The following IL1RAPL1 variants were observed in gnomAD, a reference collection of about 807,000 sequenced individuals.
IL1RAPL1 encodes interleukin-1 receptor accessory protein-like 1.
IL1RAPL1 carries 3 observed loss-of-function variants against 48.4 expected under a neutral mutation model. The ratio of observed to expected loss-of-function variants is 0.06; its 90% CI spans 0.03 to 0.16. The LOEUF (loss-of-function observed/expected upper bound fraction) is 0.16, where lower values mean the gene tolerates loss of function less well. Ranked by LOEUF, IL1RAPL1 falls within the 10% of genes least tolerant of loss-of-function variation. The pLI is 1.00. For synonymous variants in IL1RAPL1, 185 were observed against 187.7 expected (o/e 0.99, Z 0.12); for missense variants, 349 against 530.6 (o/e 0.66, Z 3.36).
intron 6 of IL1RAPL1, 100 bp downstream of exon 6, chrX:29,668,604 C>T (rs1926062932): frequency 1.6e-6 from 1 of 607,988 alleles, no homozygotes; most frequent in Non-Finnish European, 2.7e-6. Context: ...CAGCTAAATC[C>T]ATTTGTATTC....
chrX:29,237,211 A>G (rs182745980), intron 2 of IL1RAPL1, among the ~76,000 whole-genome samples: 1 of 112,256 alleles, frequency 8.9e-6, no homozygotes, highest in Admixed American at 9.4e-5. Context: ...ATTGCTGCTT[A>G]TTTAATAAGC....
intron 6 of IL1RAPL1, among the ~76,000 whole-genome samples, chrX:29,862,228 G>A (rs1931603417): frequency 9.1e-6 from 1 of 110,230 alleles, no homozygotes; most frequent in Non-Finnish European, 1.9e-5. Context: ...TCAGGTGTGA[G>A]GTCAGCATGT....
In IL1RAPL1 at chrX:29,630,367, A is replaced by G. The variant is rs138748524; in HGVS notation, c.704-38063A>G. On this transcript the variant is annotated intron_variant, in intron 5 of 10. Transcript: ENST00000378993. Reference sequence around the variant, plus strand: ...AGCAATGACTATATAGTAAAATTCTATTAATTCAGGTTTATTGGGAGAAAG... The same window carrying G: ...AGCAATGACTATATAGTAAAATTCTGTTAATTCAGGTTTATTGGGAGAAAG... Among the ~76,000 whole-genome samples, 747 of 111,726 alleles carry G rather than the reference A, an allele frequency of 6.7e-3. 5 individuals carry two copies. Among genetic ancestry groups the G allele is most frequent in the African/African-American group, 0.024 (722 of 30,717 alleles).
chrX:29,541,052 A>G (rs1412940118), intron 5 of IL1RAPL1, among the ~76,000 whole-genome samples: 2 of 112,437 alleles, frequency 1.8e-5, no homozygotes, highest in Non-Finnish European at 3.8e-5. Context: ...TCTAATATTT[A>G]GAATCCATAA....
At chrX:29,217,680 C>T (rs767920734) in intron 2 of IL1RAPL1, among the ~76,000 whole-genome samples, 10 of 109,426 alleles carry the variant, frequency 9.1e-5, no homozygotes, top group Non-Finnish European at 1.7e-4. Flanking sequence ...TAAGAAACTG[C>T]ATGAAAATTG....
chrX:28,620,793 G>C (rs1331643751), intron 1 of IL1RAPL1, among the ~76,000 whole-genome samples: 1 of 111,914 alleles, frequency 8.9e-6, no homozygotes, highest in Non-Finnish European at 1.9e-5. Flanking sequence ...AAAATATTTA[G>C]ACCATGATAT....
chrX:29,733,549 C>T (rs1927972929), intron 6 of IL1RAPL1, among the ~76,000 whole-genome samples: 1 of 112,049 alleles, frequency 8.9e-6, no homozygotes, highest in South Asian at 3.7e-4. Context: ...TTGTACATGT[C>T]TCCAACTGAC....
chrX:29,916,161 TG>T (rs1932799420), intron 6 of IL1RAPL1, among the ~76,000 whole-genome samples: 1 of 100,283 alleles, frequency 1.0e-5, no homozygotes, highest in Non-Finnish European at 2.0e-5. Flanking sequence ...GTTGGACATT[TG>T]GGTTGGTTCC....
chrX:29,770,924 AG>A (rs1176220386), intron 6 of IL1RAPL1, among the ~76,000 whole-genome samples: 1 of 112,276 alleles, frequency 8.9e-6, no homozygotes, highest in Non-Finnish European at 1.9e-5. Context: ...GAATTTCCAC[AG>A]GGTGGAATCA....
intron 2 of IL1RAPL1, among the ~76,000 whole-genome samples, chrX:29,254,612 A>G (rs1931722939): frequency 9.0e-6 from 1 of 111,646 alleles, no homozygotes; most frequent in Non-Finnish European, 1.9e-5. Flanking sequence ...TATACAGTGG[A>G]CTACTAGTAT....
intron 3 of IL1RAPL1, among the ~76,000 whole-genome samples, chrX:29,391,044 T>C (rs962472643): frequency 5.4e-5 from 6 of 110,401 alleles, no homozygotes; most frequent in African/African-American, 2.0e-4. Flanking sequence ...CGTGGTAGCA[T>C]GTGCCTGTAA....
intron 6 of IL1RAPL1, among the ~76,000 whole-genome samples, chrX:29,712,215 T>C (rs1443213147): frequency 9.1e-6 from 1 of 110,316 alleles, no homozygotes. Context: ...AACTATGTAA[T>C]CACCTCTTCC....
chrX:29,040,528 T>G (rs544016026), intron 2 of IL1RAPL1, among the ~76,000 whole-genome samples: 16 of 112,230 alleles, frequency 1.4e-4, no homozygotes, highest in Admixed American at 4.7e-4. Context: ...GCCACATTAA[T>G]CCACCAGTTT....
intron 2 of IL1RAPL1, among the ~76,000 whole-genome samples, chrX:28,941,144 G>A (rs931693329): frequency 1.8e-5 from 2 of 110,935 alleles, no homozygotes; most frequent in Non-Finnish European, 3.8e-5. Context: ...ACCAGTGAGT[G>A]ACATATTTGA....
intron 2 of IL1RAPL1, among the ~76,000 whole-genome samples, chrX:29,021,796 A>C (rs750084200): frequency 1.8e-5 from 2 of 111,716 alleles, no homozygotes; most frequent in South Asian, 3.7e-4. Flanking sequence ...TAAGTGTTTC[A>C]TGTATGTTTT....
chrX:29,389,593 C>G (rs1410906695), intron 3 of IL1RAPL1, among the ~76,000 whole-genome samples: 1 of 110,881 alleles, frequency 9.0e-6, no homozygotes, highest in Non-Finnish European at 1.9e-5. Context: ...AAATACTGGA[C>G]TAGAATTGTA....
intron 3 of IL1RAPL1, among the ~76,000 whole-genome samples, chrX:29,313,336 G>A (rs1229054870): frequency 3.7e-5 from 4 of 108,879 alleles, no homozygotes; most frequent in Non-Finnish European, 7.6e-5. Context: ...TCCCAACTTC[G>A]ACAATTGTCC....
intron 3 of IL1RAPL1, among the ~76,000 whole-genome samples, chrX:29,357,433 C>G (rs1461869097): frequency 3.6e-5 from 4 of 111,813 alleles, no homozygotes; most frequent in African/African-American, 9.7e-5. Flanking sequence ...AATTAATTAG[C>G]TTTGATTTTG....
intron 2 of IL1RAPL1, among the ~76,000 whole-genome samples, chrX:29,224,511 T>A (rs1306357988): frequency 8.9e-6 from 1 of 112,020 alleles, no homozygotes; most frequent in African/African-American, 3.2e-5. Context: ...CAGATAAGAA[T>A]AATGAAGACT....
Sources: allele counts gnomAD v4.1 joint callset (sites outside exome capture counted in the v4.1 genomes callset), GRCh38; gene constraint gnomAD v4.1.1; transcripts MANE v1.5; gene names NCBI Gene and HGNC (gene_info 2026-07-23, HGNC 2026-07-21).